TYW1: variants seen among roughly 807,000 people sequenced by gnomAD.
TYW1 encodes S-adenosyl-L-methionine-dependent tRNA 4-demethylwyosine synthase TYW1.
A neutral mutation model predicts 96.2 loss-of-function variants in TYW1; 46 were observed. The observed-to-expected ratio is 0.48, with a 90% confidence interval of 0.38 to 0.61. The LOEUF is 0.61. Among genes scored for constraint, TYW1 ranks in the 20% least tolerant of loss-of-function variants. TYW1 has a pLI of 0.00. For missense variants in TYW1, 684 were observed against 909.6 expected (o/e 0.75, Z 3.19); for synonymous variants, 274 against 323.0 (o/e 0.85, Z 1.63).
At position 67,148,597 on chromosome 7, in the gene TYW1, T is replaced by A. The variant is rs559314868; in HGVS notation, c.1698+30979T>A. ...CCTGCCACCACGCCCGGCTAATTTTTTATATATATATTTTTAGTAGAGACG... is the reference window on the plus strand; with the variant it reads ...CCTGCCACCACGCCCGGCTAATTTTATATATATATATTTTTAGTAGAGACG... On this transcript the variant is annotated intron_variant, in intron 13 of 15. Coordinates refer to ENST00000359626, the MANE Select transcript of TYW1 (RefSeq NM_018264.4). Among the ~76,000 whole-genome samples, 520 of 151,946 alleles carry A rather than the reference T, an allele frequency of 3.4e-3. 3 individuals are homozygous for A. Among genetic ancestry groups the A allele is most frequent in the Admixed American group, 5.1e-3 (78 of 15,254 alleles).
intron 7 of TYW1, among the ~76,000 whole-genome samples, chr7:67,046,596 T>A (rs1374671929): frequency 2.0e-5 from 3 of 152,226 alleles, no homozygotes; most frequent in Non-Finnish European, 4.4e-5. Context: ...CTTACATGGT[T>A]GTTATATTGT....
intron 13 of TYW1, among the ~76,000 whole-genome samples, chr7:67,139,052 G>C (rs942241771): frequency 6.6e-6 from 1 of 151,906 alleles, no homozygotes; most frequent in Non-Finnish European, 1.5e-5. Flanking sequence ...GTAGTTATTT[G>C]TGGATCTTTT....
At chr7:67,082,741 G>A (rs1796426025) in intron 10 of TYW1, among the ~76,000 whole-genome samples, 1 of 152,100 alleles carries the variant, frequency 6.6e-6, no homozygotes, top group African/African-American at 2.4e-5. Flanking sequence ...GTACTGCGCT[G>A]CCTGTTTTTT....
intron 12 of TYW1, among the ~76,000 whole-genome samples, chr7:67,112,637 CAAAAG>C (rs1797461434): frequency 6.7e-6 from 1 of 149,184 alleles, no homozygotes; most frequent in Non-Finnish European, 1.5e-5. Context: ...AAAAAGAAAA[CAAAAG>C]AAAAATTAAG....
intron 11 of TYW1, 144 bp from the exon 12 acceptor site, chr7:67,098,397 G>T (rs1796984724): frequency 5.5e-6 from 3 of 545,352 alleles, no homozygotes; most frequent in Non-Finnish European, 9.9e-6. Context: ...TTCTAGTCCT[G>T]CCCTGCCCTT....
At chr7:67,192,793 C>T (rs1440310606) in intron 14 of TYW1, among the ~76,000 whole-genome samples, 1 of 152,110 alleles carries the variant, frequency 6.6e-6, no homozygotes, top group African/African-American at 2.4e-5. Flanking sequence ...TGCAAGTCGA[C>T]TAATAAAGAG....
intron 1 of TYW1, 117 bp downstream of exon 1, chr7:66,997,099 T>C: frequency 6.4e-7 from 1 of 1,557,798 alleles, no homozygotes; most frequent in Admixed American, 1.9e-5. Flanking sequence ...CTGTTGCACT[T>C]GACAGCACCG....
At chr7:67,165,444 CAAGAG>C (rs1211792381) in intron 13 of TYW1, among the ~76,000 whole-genome samples, 1 of 151,006 alleles carries the variant, frequency 6.6e-6, no homozygotes, top group Non-Finnish European at 1.5e-5. Flanking sequence ...TTGTAATACT[CAAGAG>C]GGGAGAGAAT....
rs1793940033 is a variant in TYW1 at position 67,014,504 on chromosome 7, T to C, written c.513T>C (p.Gly171=). ...DFRFGKTYLK[G]MRYAVFGLGN... is the part of the protein sequence containing the mutation. Reference sequence around the variant, plus strand: ...GATTTGGCAAAACTTACCTGAAGGGTATGAGATATGCGGTATTTGGCCTGG... The same window carrying C: ...GATTTGGCAAAACTTACCTGAAGGGCATGAGATATGCGGTATTTGGCCTGG... The change falls in exon 5 of 16, where the codon GGT becomes GGC. Residue 171 remains glycine, a synonymous_variant. Transcript: ENST00000359626. The C allele has an allele frequency of 6.2e-7, 1 of 1,613,932 alleles. No homozygotes were observed. The highest frequency in any genetic ancestry group is 8.5e-7 in the Non-Finnish European group (1 of 1,179,850).
chr7:67,133,807 G>A (rs1188841558), intron 13 of TYW1, among the ~76,000 whole-genome samples: 7 of 151,290 alleles, frequency 4.6e-5, no homozygotes, highest in East Asian at 1.9e-4. Flanking sequence ...CCATTTCTCC[G>A]TTGGCTGTTT....
At chr7:67,195,540 C>A (rs531247321) in intron 15 of TYW1, among the ~76,000 whole-genome samples, 1 of 152,214 alleles carries the variant, frequency 6.6e-6, no homozygotes, top group South Asian at 2.1e-4. Context: ...TTGTTTAGCC[C>A]TCCTCTGGAC....
At chr7:67,195,626 AC>A (rs1293881474) in intron 15 of TYW1, among the ~76,000 whole-genome samples, 2 of 152,096 alleles carry the variant, frequency 1.3e-5, no homozygotes, top group Admixed American at 1.3e-4. Context: ...CCTTGTAATA[AC>A]CTCTAGTCCT....
chr7:67,058,142 G>C (rs542893083), intron 9 of TYW1, among the ~76,000 whole-genome samples: 59 of 152,172 alleles, frequency 3.9e-4, no homozygotes, highest in African/African-American at 1.2e-3. Context: ...CACCGTGTTA[G>C]CCAGGATGGT....
At chr7:67,162,683 G>A (rs1019613742) in intron 13 of TYW1, among the ~76,000 whole-genome samples, 5 of 152,158 alleles carry the variant, frequency 3.3e-5, no homozygotes, top group African/African-American at 9.7e-5. Context: ...CAGGAACATT[G>A]CCAGAGATTT....
At chr7:67,054,200 T>C (rs1328430815) in intron 8 of TYW1, among the ~76,000 whole-genome samples, 1 of 152,244 alleles carries the variant, frequency 6.6e-6, no homozygotes, top group Non-Finnish European at 1.5e-5. Context: ...CACACTATTA[T>C]TTTCAGCAAC....
chr7:67,174,486 G>C (rs1799605204), intron 13 of TYW1, among the ~76,000 whole-genome samples: 1 of 149,238 alleles, frequency 6.7e-6, no homozygotes, highest in South Asian at 2.1e-4. Context: ...TTTCAAGAGT[G>C]AAGGAGAAAA....
chr7:67,008,499 G>A (rs185967461), intron 3 of TYW1, among the ~76,000 whole-genome samples: 2 of 152,218 alleles, frequency 1.3e-5, no homozygotes, highest in Admixed American at 1.3e-4. Context: ...TCTCATTAGC[G>A]TACAAAAGAT....
intron 13 of TYW1, among the ~76,000 whole-genome samples, chr7:67,171,384 C>G (rs985065155): frequency 6.6e-6 from 1 of 151,832 alleles, no homozygotes; most frequent in Non-Finnish European, 1.5e-5. Flanking sequence ...TTTCTTTTAC[C>G]TCTGTTCTAG....
chr7:67,208,560 C>G (rs1466136695), intron 15 of TYW1, among the ~76,000 whole-genome samples: 1 of 151,734 alleles, frequency 6.6e-6, no homozygotes, highest in South Asian at 2.1e-4. Context: ...CGTGGTGGCG[C>G]GTGCCTGTAG....
Sources: gnomAD v4.1 joint callset for allele counts (sites outside exome capture counted in the v4.1 genomes callset) on GRCh38, gnomAD v4.1.1 for gene constraint, MANE v1.5 for transcripts, NCBI Gene and HGNC (gene_info 2026-07-23, HGNC 2026-07-21) for gene names.